PIK3R6: variants seen among roughly 807,000 people sequenced by gnomAD.
The protein encoded by PIK3R6 is phosphoinositide-3-kinase regulatory subunit 6.
PIK3R6 carries 91 observed loss-of-function variants against 84.9 expected under a neutral mutation model. That is an observed-to-expected ratio of 1.07 (90% CI 0.90 to 1.28). The LOEUF is 1.28. Ranked by LOEUF, PIK3R6 falls within the 50% of genes most tolerant of loss-of-function variation. The pLI is 0.00. For synonymous variants in PIK3R6, 416 were observed against 411.4 expected (o/e 1.01, Z -0.13); for missense variants, 996 against 985.1 (o/e 1.01, Z -0.15).
At chr17:8,863,769 G>A (rs147028350) in intron 1 of PIK3R6, among the ~76,000 whole-genome samples, 5,797 of 152,210 alleles carry the variant, frequency 0.038, 368 homozygotes, top group African/African-American at 0.13. Flanking sequence ...TCCTGACCTC[G>A]TGATCCACCC....
chr17:8,849,966 G>A lies in PIK3R6; in HGVS notation c.-91-81C>T, dbSNP rs1275284589. ...CTTGGGAAATGGAGAAGCTCCTAAGGGACCTAGGCTTCTAGCACACTGGGG... is the reference window on the plus strand; with the variant it reads ...CTTGGGAAATGGAGAAGCTCCTAAGAGACCTAGGCTTCTAGCACACTGGGG... On this transcript the variant is annotated intron_variant, in intron 1 of 19. Coordinates refer to ENST00000619866, the MANE Select transcript of PIK3R6 (RefSeq NM_001010855.4). 6.4e-6 allele frequency: 5 copies of A among 777,170 alleles called. No individual in the cohort carries two copies. The Admixed American group carries it at 1.2e-4, about 19-fold the overall frequency. The allele number at this position is 777,170 out of a possible 1,614,324, so 48.1% of individuals were successfully genotyped here. A position where few individuals can be genotyped will look rare whatever the true frequency, so the allele number is the denominator to read the frequency against.
At chr17:8,834,138 C>A (rs1341598898) in intron 8 of PIK3R6, among the ~76,000 whole-genome samples, 1 of 117,832 alleles carries the variant, frequency 8.5e-6, no homozygotes, top group South Asian at 2.7e-4. Context: ...GCCTGGGCAA[C>A]AGAGCAAGAC....
intron 1 of PIK3R6, among the ~76,000 whole-genome samples, chr17:8,861,351 A>G (rs2151319735): frequency 6.6e-6 from 1 of 152,326 alleles, no homozygotes; most frequent in East Asian, 1.9e-4. Flanking sequence ...CAACAAACAC[A>G]GTGCATCTCT....
chr17:8,822,023 C>G, intron 16 of PIK3R6, 87 bp from the exon 17 acceptor site: 1 of 1,081,008 alleles, frequency 9.3e-7, no homozygotes, highest in African/African-American at 1.6e-5. Context: ...TTGCCTCTCT[C>G]CCCTGTTTTC....
chr17:8,867,110 C>T (rs1439963406), intron 1 of PIK3R6, among the ~76,000 whole-genome samples: 3 of 152,176 alleles, frequency 2.0e-5, no homozygotes, highest in African/African-American at 7.2e-5. Context: ...TCTCCCTAAG[C>T]CTCAGTCTTC....
chr17:8,835,964 T>C (rs2088445050), intron 7 of PIK3R6, among the ~76,000 whole-genome samples: 1 of 152,114 alleles, frequency 6.6e-6, no homozygotes, highest in Non-Finnish European at 1.5e-5. Context: ...TTTCATGAAC[T>C]CAGCACCTCA....
intron 2 of PIK3R6, among the ~76,000 whole-genome samples, chr17:8,840,328 ATATG>A (rs1370705259): frequency 9.6e-5 from 13 of 135,970 alleles, no homozygotes; most frequent in Admixed American, 2.3e-4. Context: ...TAGCCTCCAA[ATATG>A]TATATGAAAT....
Position 8,862,314 on chromosome 17 carries a change from C to G in PIK3R6, c.-92+5215G>C, listed in dbSNP as rs1406293317. Among the ~76,000 whole-genome samples the G allele has an allele frequency of 1.3e-5, 2 of 152,250 alleles. No individual in the cohort carries two copies. The highest frequency in any genetic ancestry group is 6.5e-5 in the Admixed American group (1 of 15,290). Reference sequence around the variant, plus strand: ...ATGGAAGGCCCTTGATAAATATGCTCGAATGAATGAATGTCAGGCACTCAT... The same window carrying G: ...ATGGAAGGCCCTTGATAAATATGCTGGAATGAATGAATGTCAGGCACTCAT... On this transcript the variant is annotated intron_variant, in intron 1 of 19. Transcript: ENST00000619866. The surrounding 1 kb of genome is among the most constrained non-coding windows in gnomAD (Gnocchi z 4.3).
intron 1 of PIK3R6, among the ~76,000 whole-genome samples, chr17:8,867,249 C>T (rs927620318): frequency 6.6e-6 from 1 of 152,214 alleles, no homozygotes; most frequent in Non-Finnish European, 1.5e-5. Context: ...ACAGCATGTA[C>T]AGGATTCCAG....
At position 8,823,445 on chromosome 17, in the gene PIK3R6, A is replaced by T. The variant is rs1179075091; in HGVS notation, c.1568T>A (p.Ile523Asn). Residue 523 changes from isoleucine to asparagine, a missense_variant, in exon 14 of 20, where the codon ATC becomes AAC. By Grantham distance (149) the Ile-to-Asn change is moderately radical. Transcript: ENST00000619866. ...RTVDPFILDVITYYIRMGTQP... is the reference protein window; with the variant it reads ...RTVDPFILDVNTYYIRMGTQP... ...GGTGCCCATGCGGATGTAGTAGGTGATGACGTCTAGGATGAAGGGGTCCAC... is the reference window on the plus strand; with the variant it reads ...GGTGCCCATGCGGATGTAGTAGGTGTTGACGTCTAGGATGAAGGGGTCCAC... 3 of 1,612,736 alleles carry T rather than the reference A, an allele frequency of 1.9e-6. No homozygotes were observed. The highest frequency in any genetic ancestry group is 2.5e-6 in the Non-Finnish European group (3 of 1,179,170).
intron 16 of PIK3R6, 114 bp from the exon 17 acceptor site, chr17:8,822,050 G>GTT: frequency 1.9e-6 from 1 of 522,340 alleles, no homozygotes; most frequent in South Asian, 2.5e-5. Context: ...TGCTGTGAGA[G>GTT]TCTTTTTTTT....
At position 8,821,920 on chromosome 17, in the gene PIK3R6, C is replaced by G; in HGVS notation, c.1805G>C (p.Arg602Pro). ...LCYQKALLSH[R>P]PREVTVSLRA... ...CAGGGAAACGGTGACCTCTCGGGGC[C>G]GGTGGCTAAGCAAGGCCTGAGGAGG... The change falls in exon 17 of 20, where the codon CGG (arginine) becomes CCG (proline). Residue 602 changes from arginine (R) to proline (P), a missense_variant. Coordinates refer to ENST00000619866, the MANE Select transcript of PIK3R6 (RefSeq NM_001010855.4). 6.3e-7 allele frequency: 1 copy of G among 1,586,130 alleles called. No individual in the cohort carries two copies. Among genetic ancestry groups the G allele is most frequent in the Non-Finnish European group, 8.6e-7 (1 of 1,165,868 alleles).
intron 1 of PIK3R6, among the ~76,000 whole-genome samples, chr17:8,854,929 C>T (rs1218790792): frequency 2.0e-5 from 3 of 152,198 alleles, no homozygotes; most frequent in South Asian, 2.1e-4. Flanking sequence ...CACAGTGGCT[C>T]ACACCTGTAA....
intron 1 of PIK3R6, among the ~76,000 whole-genome samples, chr17:8,858,008 C>T (rs1372500089): frequency 6.6e-6 from 1 of 152,132 alleles, no homozygotes; most frequent in South Asian, 2.1e-4. Context: ...CACGCATTCA[C>T]TCATCAAACA....
intron 13 of PIK3R6, 31 bp from the exon 14 acceptor site, chr17:8,823,528 A>G (rs2074257): frequency 6.8e-7 from 1 of 1,480,194 alleles, no homozygotes; most frequent in Non-Finnish European, 9.4e-7. Flanking sequence ...GTCTTCACCA[A>G]CTCCCCCAAG....
intron 1 of PIK3R6, among the ~76,000 whole-genome samples, chr17:8,863,785 G>A (rs1023247536): frequency 8.5e-5 from 13 of 152,260 alleles, no homozygotes; most frequent in African/African-American, 2.4e-4. Context: ...CACCCGCCTC[G>A]GCCTCCCAAA....
chr17:8,859,660 T>C (rs569710842), intron 1 of PIK3R6, among the ~76,000 whole-genome samples: 2 of 152,184 alleles, frequency 1.3e-5, no homozygotes, highest in African/African-American at 4.8e-5. Flanking sequence ...GAAGGGCAGA[T>C]GTGCTCTCTG....
At chr17:8,864,543 T>A (rs892017135) in intron 1 of PIK3R6, among the ~76,000 whole-genome samples, 2 of 137,220 alleles carry the variant, frequency 1.5e-5, no homozygotes, top group Non-Finnish European at 3.2e-5. Flanking sequence ...TTTTTTTTTT[T>A]TTTTTTTTTT....
In PIK3R6 at chr17:8,842,984, T is replaced by C. The variant is rs1001978361; in HGVS notation, c.14-3287A>G. Among the ~76,000 whole-genome samples, 2 of 152,190 alleles carry C rather than the reference T, an allele frequency of 1.3e-5. No homozygotes were observed. Among genetic ancestry groups the C allele is most frequent in the Non-Finnish European group, 2.9e-5 (2 of 68,022 alleles). ...ATGGTCTGGCCCCTCCTCAGACCCATGCAAAGCCTACGGGGTCCACATCCC... is the reference window on the plus strand; with the variant it reads ...ATGGTCTGGCCCCTCCTCAGACCCACGCAAAGCCTACGGGGTCCACATCCC... On this transcript the variant is annotated intron_variant, in intron 2 of 19. Transcript: ENST00000619866. This position sits in a 1 kb window ranked among gnomAD's most constrained non-coding sequence, Gnocchi z 4.5.
Sources: gnomAD v4.1 joint callset for allele counts (sites outside exome capture counted in the v4.1 genomes callset) on GRCh38, gnomAD v4.1.1 for gene constraint, Gnocchi (gnomAD v3.1) non-coding constraint, MANE v1.5 for transcripts, NCBI Gene and HGNC (gene_info 2026-07-23, HGNC 2026-07-21) for gene names.